EVI5: variants seen among roughly 807,000 people sequenced by gnomAD.
EVI5 encodes ecotropic viral integration site 5.
EVI5 carries 73 observed loss-of-function variants against 112.0 expected under a neutral mutation model. The ratio of observed to expected loss-of-function variants is 0.65; its 90% confidence interval spans 0.54 to 0.79. EVI5 has a LOEUF of 0.79. Among genes scored for constraint, EVI5 ranks in the 30% least tolerant of loss-of-function variants. The probability of loss-of-function intolerance (pLI) is 0.00; values close to 1 mark genes in which losing one functional copy is unlikely to be tolerated. For missense variants in EVI5, 900 were observed against 968.8 expected, an observed-to-expected ratio of 0.93 and a Z score of 0.94; for synonymous variants, 305 against 319.9, an observed-to-expected ratio of 0.95 and a Z score of 0.50.
intron 19 of EVI5, among the ~76,000 whole-genome samples, chr1:92,521,671 G>A (rs1306556171): frequency 1.4e-5 from 2 of 147,570 alleles, no homozygotes; most frequent in African/African-American, 5.0e-5. Flanking sequence ...TAGCCTGGGC[G>A]ACAGAGTGAG....
intron 2 of EVI5, among the ~76,000 whole-genome samples, chr1:92,707,784 T>G (rs1434445821): frequency 6.6e-6 from 1 of 152,146 alleles, no homozygotes; most frequent in Non-Finnish European, 1.5e-5. Context: ...TGAAAACATA[T>G]GTACAAAGAA....
intron 18 of EVI5, among the ~76,000 whole-genome samples, chr1:92,598,311 T>C (rs991714696): frequency 6.6e-6 from 1 of 152,144 alleles, no homozygotes; most frequent in Admixed American, 6.5e-5. Flanking sequence ...ACTTAATACC[T>C]GGGTGATGTA....
At chr1:92,768,958 T>G (rs1048893736) in intron 1 of EVI5, among the ~76,000 whole-genome samples, 1 of 152,162 alleles carries the variant, frequency 6.6e-6, no homozygotes, top group African/African-American at 2.4e-5. Context: ...CCCTTCCCCA[T>G]AGCTAAGCAA....
At chr1:92,564,827 C>T (rs1331644177) in intron 18 of EVI5, among the ~76,000 whole-genome samples, 2 of 151,850 alleles carry the variant, frequency 1.3e-5, no homozygotes, top group African/African-American at 4.8e-5. Flanking sequence ...TTACAGGTGC[C>T]CAGCACTGCG....
At chr1:92,688,423 G>C (rs1668926080) in intron 9 of EVI5, among the ~76,000 whole-genome samples, 1 of 151,248 alleles carries the variant, frequency 6.6e-6, no homozygotes, top group South Asian at 2.1e-4. Context: ...GCTCTCTCAG[G>C]GGATGCTCTC....
At chr1:92,784,724 A>T in intron 1 of EVI5, 112 bp downstream of exon 1, 4 of 775,578 alleles carry the variant, frequency 5.2e-6, no homozygotes, top group Non-Finnish European at 4.7e-6. Context: ...CCACAGCAAA[A>T]CTTGCGGCGG....
chr1:92,530,993 C>T (rs1420339653), intron 19 of EVI5, among the ~76,000 whole-genome samples: 2 of 151,894 alleles, frequency 1.3e-5, no homozygotes, highest in East Asian at 3.9e-4. Context: ...CTCCTCTGCA[C>T]TAAAGGAGCA....
chr1:92,644,414 C>G (rs1327289811), intron 13 of EVI5, among the ~76,000 whole-genome samples: 1 of 152,188 alleles, frequency 6.6e-6, no homozygotes, highest in African/African-American at 2.4e-5. Flanking sequence ...TTCCATCAGT[C>G]TGGACACAGA....
At chr1:92,754,028 T>C (rs1035055166) in intron 1 of EVI5, among the ~76,000 whole-genome samples, 1 of 152,150 alleles carries the variant, frequency 6.6e-6, no homozygotes, top group Non-Finnish European at 1.5e-5. Flanking sequence ...CAGAGAATAG[T>C]AAAGTAAAAG....
intron 1 of EVI5, among the ~76,000 whole-genome samples, chr1:92,764,459 CACTTAA>C (rs1229005753): frequency 6.6e-6 from 1 of 152,164 alleles, no homozygotes; most frequent in African/African-American, 2.4e-5. Context: ...TGAGACAGAA[CACTTAA>C]ACTTCCTCTC....
intron 13 of EVI5, among the ~76,000 whole-genome samples, chr1:92,637,018 A>G (rs1658989201): frequency 6.6e-6 from 1 of 152,220 alleles, no homozygotes; most frequent in Non-Finnish European, 1.5e-5. Context: ...TCTAATAGAA[A>G]AAAAACAGGG....
chr1:92,578,450 G>A (rs537475753), intron 18 of EVI5, among the ~76,000 whole-genome samples: 6 of 152,158 alleles, frequency 3.9e-5, no homozygotes, highest in African/African-American at 1.4e-4. Context: ...ATGGACGGCC[G>A]GGCGCCTGTA....
chr1:92,664,605 A>G (rs1572179746), intron 11 of EVI5, among the ~76,000 whole-genome samples: 1 of 152,226 alleles, frequency 6.6e-6, no homozygotes, highest in East Asian at 1.9e-4. Context: ...GGAGTCACCA[A>G]AAGTAGAATT....
intron 5 of EVI5, among the ~76,000 whole-genome samples, chr1:92,699,317 G>C (rs561971574): frequency 6.6e-6 from 1 of 152,228 alleles, no homozygotes; most frequent in African/African-American, 2.4e-5. Context: ...CTCCTAATCT[G>C]ACCCCATTTC....
At chr1:92,615,983 T>C (rs1653036849) in intron 16 of EVI5, among the ~76,000 whole-genome samples, 1 of 152,190 alleles carries the variant, frequency 6.6e-6, no homozygotes, top group Admixed American at 6.5e-5. Flanking sequence ...TTGGGCCCAC[T>C]AAGTAGGGAT....
At chr1:92,570,604 T>C (rs1439593659) in intron 18 of EVI5, among the ~76,000 whole-genome samples, 1 of 152,134 alleles carries the variant, frequency 6.6e-6, no homozygotes, top group Non-Finnish European at 1.5e-5. Flanking sequence ...CCTCTAACAT[T>C]GTAAGAGAGA....
chr1:92,619,575 T>A (rs1654051211), intron 16 of EVI5, among the ~76,000 whole-genome samples: 1 of 151,468 alleles, frequency 6.6e-6, no homozygotes, highest in African/African-American at 2.4e-5. Context: ...GTGAAAAACA[T>A]AAAATTAGAT....
chr1:92,640,463 T>C (rs1659720636), intron 13 of EVI5, among the ~76,000 whole-genome samples: 1 of 151,994 alleles, frequency 6.6e-6, no homozygotes, highest in South Asian at 2.1e-4. Flanking sequence ...TAGACACTTC[T>C]CAAAAGATGA....
intron 1 of EVI5, among the ~76,000 whole-genome samples, chr1:92,766,081 G>A (rs1453295228): frequency 3.5e-5 from 5 of 141,810 alleles, no homozygotes; most frequent in South Asian, 2.3e-4. Flanking sequence ...CTGGGTGACA[G>A]AGCAAGACCC....
Sources: allele counts gnomAD v4.1 joint callset (sites outside exome capture counted in the v4.1 genomes callset), GRCh38; gene constraint gnomAD v4.1.1; transcripts MANE v1.5; gene names NCBI Gene and HGNC (gene_info 2026-07-23, HGNC 2026-07-21).